RTL4: variants seen among roughly 807,000 people sequenced by gnomAD.
RTL4 encodes retrotransposon Gag like 4.
Under a neutral mutation model 5.3 loss-of-function variants are expected in RTL4, and 4 were observed. That is an observed-to-expected ratio of 0.75 (90% CI 0.37 to 1.72). RTL4 has a LOEUF of 1.72. Among genes scored for constraint, RTL4 ranks in the 40% most tolerant of loss-of-function variants. The pLI is 0.04. For missense variants in RTL4, 260 were observed against 227.1 expected (o/e 1.14, Z -0.93); for synonymous variants, 98 against 87.3 (o/e 1.12, Z -0.68).
chrX:112,244,029 G>A, the RTL4 span, among the ~76,000 whole-genome samples: 5 of 111,997 alleles, frequency 4.5e-5, no homozygotes, highest in African/African-American at 1.3e-4. Context: ...TTAATCCTGA[G>A]GTCTAATTTG....
the RTL4 span, among the ~76,000 whole-genome samples, chrX:112,231,186 A>G: frequency 9.0e-6 from 1 of 111,311 alleles, no homozygotes; most frequent in Non-Finnish European, 1.9e-5. Context: ...GGAATCTAGA[A>G]CTAGAAATAC....
the RTL4 span, among the ~76,000 whole-genome samples, chrX:112,324,559 A>AT: frequency 3.5e-4 from 39 of 110,250 alleles, no homozygotes; most frequent in African/African-American, 5.6e-4. Context: ...TTGATGTGCA[A>AT]TTTTTTTTAA....
the RTL4 span, among the ~76,000 whole-genome samples, chrX:112,373,111 T>C: frequency 2.9e-4 from 33 of 111,920 alleles, no homozygotes; most frequent in Non-Finnish European, 5.1e-4. Context: ...CGGACATTCT[T>C]GTACATATTT....
the RTL4 span, among the ~76,000 whole-genome samples, chrX:112,374,097 C>A: frequency 1.8e-5 from 2 of 110,925 alleles, no homozygotes; most frequent in South Asian, 3.8e-4. Flanking sequence ...TGTTTGCCTA[C>A]CCTAAATTTC....
the RTL4 span, among the ~76,000 whole-genome samples, chrX:112,412,953 C>A: frequency 1.9e-5 from 2 of 105,041 alleles, no homozygotes; most frequent in South Asian, 4.1e-4. Context: ...TGTAAACTAT[C>A]CATCTGACAA....
chrX:112,147,581 G>A, the RTL4 span, among the ~76,000 whole-genome samples: 13,314 of 111,110 alleles, frequency 0.12, 1,847 homozygotes, highest in African/African-American at 0.4. Context: ...AAACCTCTGG[G>A]TGAATACAGC....
At chrX:112,355,433 A>G in the RTL4 span, among the ~76,000 whole-genome samples, 1 of 111,589 alleles carries the variant, frequency 9.0e-6, no homozygotes, top group South Asian at 3.7e-4. Context: ...ATCAGTATTT[A>G]GGACATGTAT....
At chrX:112,363,365 G>A in the RTL4 span, among the ~76,000 whole-genome samples, 1 of 111,172 alleles carries the variant, frequency 9.0e-6, no homozygotes. Flanking sequence ...AAGGCCCAGA[G>A]GACAACTGCT....
chrX:112,326,732 A>C, the RTL4 span, among the ~76,000 whole-genome samples: 9 of 111,838 alleles, frequency 8.0e-5, no homozygotes, highest in African/African-American at 2.6e-4. Context: ...GACAGCAGTA[A>C]CCTCTGCAGA....
the RTL4 span, among the ~76,000 whole-genome samples, chrX:112,280,261 A>C: frequency 9.0e-6 from 1 of 111,360 alleles, no homozygotes; most frequent in Non-Finnish European, 1.9e-5. Context: ...GGAGCTAAAC[A>C]TTGGGTACTC....
the RTL4 span, among the ~76,000 whole-genome samples, chrX:112,246,238 T>C: frequency 6.3e-5 from 7 of 111,849 alleles, 1 homozygote; most frequent in Admixed American, 1.9e-4. Flanking sequence ...GGGAGAACCA[T>C]TGCTCTCTTC....
At chrX:112,346,589 G>T in the RTL4 span, among the ~76,000 whole-genome samples, 2 of 111,217 alleles carry the variant, frequency 1.8e-5, no homozygotes, top group Non-Finnish European at 3.8e-5. Flanking sequence ...TCCCTCTTTA[G>T]TATGAAATAC....
At chrX:112,319,118 G>A in the RTL4 span, among the ~76,000 whole-genome samples, 4 of 111,753 alleles carry the variant, frequency 3.6e-5, no homozygotes, top group Non-Finnish European at 5.6e-5. Flanking sequence ...AAAAACTGAC[G>A]TTGTAATCAG....
At chrX:112,402,400 TTGTGTGTGTGTG>T in the RTL4 span, among the ~76,000 whole-genome samples, 1,531 of 87,386 alleles carry the variant, frequency 0.018, 14 homozygotes, top group South Asian at 0.059. Flanking sequence ...GGAATTATTA[TTGTGTGTGTGTG>T]TGTGTGTGTG....
At chrX:112,213,155 G>A in the RTL4 span, among the ~76,000 whole-genome samples, 23 of 112,895 alleles carry the variant, frequency 2.0e-4, no homozygotes, top group African/African-American at 7.4e-4. Context: ...CAAATGCCTA[G>A]GCAGCTACTT....
the RTL4 span, among the ~76,000 whole-genome samples, chrX:112,409,269 C>G: frequency 8.9e-6 from 1 of 112,007 alleles, no homozygotes; most frequent in Non-Finnish European, 1.9e-5. Flanking sequence ...AGTTAAAAAG[C>G]TTGGAGACAA....
chrX:112,289,561 A>G, the RTL4 span, among the ~76,000 whole-genome samples: 1 of 112,323 alleles, frequency 8.9e-6, no homozygotes, highest in African/African-American at 3.2e-5. Flanking sequence ...ATGTGTATTA[A>G]CCTTTCTGAG....
chrX:112,099,235 G>C, the RTL4 span, among the ~76,000 whole-genome samples: 4 of 112,038 alleles, frequency 3.6e-5, no homozygotes, highest in African/African-American at 1.3e-4. Context: ...GATGTGAACA[G>C]TTCCTGGTTT....
At chrX:112,145,435 C>T in the RTL4 span, among the ~76,000 whole-genome samples, 2 of 111,257 alleles carry the variant, frequency 1.8e-5, no homozygotes, top group African/African-American at 6.5e-5. Context: ...TTCACAGACA[C>T]AGTCAAGGGG....
Sources: allele counts gnomAD v4.1 joint callset (sites outside exome capture counted in the v4.1 genomes callset), GRCh38; gene constraint gnomAD v4.1.1; transcripts MANE v1.5; gene names NCBI Gene and HGNC (gene_info 2026-07-23, HGNC 2026-07-21).